PTPRD: variants seen among roughly 807,000 people sequenced by gnomAD.
PTPRD encodes protein tyrosine phosphatase receptor type D, also known as receptor-type tyrosine-protein phosphatase delta.
A neutral mutation model predicts 214.5 loss-of-function variants in PTPRD; 34 were observed. The observed-to-expected ratio is 0.16, with a 90% CI of 0.12 to 0.21. PTPRD has a LOEUF of 0.21. Among genes scored for constraint, PTPRD ranks in the 10% least tolerant of loss-of-function variants. PTPRD has a pLI of 1.00. For synonymous variants in PTPRD, 1,128 were observed against 845.7 expected (o/e 1.33, Z -5.79); for missense variants, 2,545 against 2,398.7 (o/e 1.06, Z -1.27).
chr9:10,165,433 G>A (rs945326353), intron 3 of PTPRD, among the ~76,000 whole-genome samples: 1 of 151,614 alleles, frequency 6.6e-6, no homozygotes, highest in African/African-American at 2.4e-5. Flanking sequence ...TGCAATAAAA[G>A]GTAGAATAAC....
rs535693303 is a variant in PTPRD, at chr9:10,332,979, G to A, written c.-545+7984C>T. On this transcript the variant is annotated intron_variant, in intron 3 of 45. Transcript: ENST00000381196. ...TAATGTTTGTTGCTACCGCCTTCAA[G>A]TAAACTCCTCAAAGAAAGATATTTT... Among the ~76,000 whole-genome samples, 4 of 151,946 alleles carry A rather than the reference G, an allele frequency of 2.6e-5. 1 individual carries two copies. In the South Asian group the frequency reaches 6.2e-4, roughly 24 times the overall value.
chr9:10,270,365 G>C (rs1234612919), intron 3 of PTPRD, among the ~76,000 whole-genome samples: 1 of 151,972 alleles, frequency 6.6e-6, no homozygotes, highest in East Asian at 1.9e-4. Flanking sequence ...TCTAGTTAAG[G>C]GCAATAGTCT....
At chr9:9,516,029 A>G (rs752473687) in intron 8 of PTPRD, among the ~76,000 whole-genome samples, 2 of 152,150 alleles carry the variant, frequency 1.3e-5, no homozygotes, top group Non-Finnish European at 2.9e-5. Flanking sequence ...ATATGCAAGC[A>G]TTCAACTGTT....
chr9:8,819,276 A>C (rs10977310), intron 11 of PTPRD, among the ~76,000 whole-genome samples: 20,823 of 152,196 alleles, frequency 0.14, 1,642 homozygotes, highest in East Asian at 0.25. Flanking sequence ...ACTATATAAA[A>C]GCTCATTCTA....
intron 4 of PTPRD, among the ~76,000 whole-genome samples, chr9:10,006,807 T>C (rs1162309878): frequency 5.3e-5 from 8 of 151,942 alleles, no homozygotes; most frequent in Admixed American, 5.3e-4. Context: ...ATATATTCTA[T>C]TGACAACTTT....
chr9:10,358,754 C>G (rs185036297), intron 2 of PTPRD, among the ~76,000 whole-genome samples: 8 of 151,862 alleles, frequency 5.3e-5, no homozygotes, highest in African/African-American at 1.9e-4. Flanking sequence ...TTGTGCCCAA[C>G]AGAATTGCTT....
At chr9:8,677,844 G>A (rs1247559675) in intron 12 of PTPRD, among the ~76,000 whole-genome samples, 1 of 152,102 alleles carries the variant, frequency 6.6e-6, no homozygotes, top group African/African-American at 2.4e-5. Flanking sequence ...TGGGAAGCGA[G>A]CAACACATTT....
intron 11 of PTPRD, among the ~76,000 whole-genome samples, chr9:8,800,080 G>A (rs983742490): frequency 4.0e-5 from 6 of 151,750 alleles, no homozygotes; most frequent in African/African-American, 1.5e-4. Context: ...ATTTGTCAAG[G>A]CTCCAAAGGT....
At chr9:10,239,540 A>G (rs2099640161) in intron 3 of PTPRD, among the ~76,000 whole-genome samples, 1 of 151,606 alleles carries the variant, frequency 6.6e-6, no homozygotes, top group Non-Finnish European at 1.5e-5. Context: ...CCAGGTAGTG[A>G]AAGGGAATTT....
intron 4 of PTPRD, among the ~76,000 whole-genome samples, chr9:9,948,993 G>T (rs1586872677): frequency 6.6e-6 from 1 of 152,104 alleles, no homozygotes; most frequent in South Asian, 2.1e-4. Context: ...GTCAGCATGG[G>T]GGGGCCTAAG....
intron 3 of PTPRD, among the ~76,000 whole-genome samples, chr9:10,161,934 T>C (rs2099129527): frequency 6.6e-6 from 1 of 151,662 alleles, no homozygotes; most frequent in Non-Finnish European, 1.5e-5. Flanking sequence ...AAAAGTATAT[T>C]TTTTAAAAAA....
intron 2 of PTPRD, among the ~76,000 whole-genome samples, chr9:10,604,584 A>C (rs911574806): frequency 6.6e-6 from 1 of 151,862 alleles, no homozygotes; most frequent in African/African-American, 2.4e-5. Context: ...GCAACCACAC[A>C]GGTATAAATG....
At chr9:9,594,328 T>C (rs2093063950) in intron 7 of PTPRD, among the ~76,000 whole-genome samples, 1 of 152,068 alleles carries the variant, frequency 6.6e-6, no homozygotes, top group South Asian at 2.1e-4. Flanking sequence ...TTTGGGTTCT[T>C]GGTCATGAAA....
At chr9:9,725,126 A>C (rs2098057907) in intron 7 of PTPRD, among the ~76,000 whole-genome samples, 1 of 152,072 alleles carries the variant, frequency 6.6e-6, no homozygotes, top group South Asian at 2.1e-4. Flanking sequence ...TTCAAAGGTG[A>C]TATGGTTTGG....
At chr9:9,375,022 C>A (rs1289187740) in intron 9 of PTPRD, among the ~76,000 whole-genome samples, 2 of 151,966 alleles carry the variant, frequency 1.3e-5, no homozygotes, top group African/African-American at 2.4e-5. Flanking sequence ...ATTACTAGAA[C>A]TTTTTTTTAC....
chr9:8,814,620 G>C (rs528356821), intron 11 of PTPRD, among the ~76,000 whole-genome samples: 2 of 152,300 alleles, frequency 1.3e-5, no homozygotes, highest in East Asian at 3.9e-4. Flanking sequence ...AGCCATCCAA[G>C]GGCAGAGATA....
Position 8,696,097 on chromosome 9 carries a change from A to C in PTPRD, c.64+37683T>G, listed in dbSNP as rs140986131. The stretch of plus-strand genomic sequence containing the variant: ...CGCTCCAGAAACTGGATCAGCAGAG[A>C]CATCTTCAGAGGCAGCAGACCTCAG... On this transcript the variant is annotated intron_variant, in intron 12 of 45. Coordinates refer to ENST00000381196, the MANE Select transcript of PTPRD (RefSeq NM_002839.4). Among the ~76,000 whole-genome samples, 515 of 152,334 alleles carry C rather than the reference A, an allele frequency of 3.4e-3. 2 individuals carry two copies. The highest frequency in any genetic ancestry group is 0.012 in the African/African-American group (489 of 41,578).
chr9:9,003,411 A>G (rs1395643739), intron 11 of PTPRD, among the ~76,000 whole-genome samples: 1 of 152,014 alleles, frequency 6.6e-6, no homozygotes, highest in Non-Finnish European at 1.5e-5. Flanking sequence ...CTATTAAAAT[A>G]TGCCTACTTG....
chr9:8,766,245 A>C lies in PTPRD; in HGVS notation c.-103-32299T>G, dbSNP rs567650344. Among the ~76,000 whole-genome samples the C allele has an allele frequency of 2.6e-5, 4 of 151,586 alleles. No homozygotes were observed. The South Asian group carries it at 8.4e-4, about 32-fold the overall frequency. On this transcript the variant is annotated intron_variant, in intron 11 of 45. Transcript: ENST00000381196. Reference sequence around the variant, plus strand: ...GCCACTGTCTTTGTGGAGTGTGTGCATACTCCCCAAGTATGCATGGGTTTC... The same window carrying C: ...GCCACTGTCTTTGTGGAGTGTGTGCCTACTCCCCAAGTATGCATGGGTTTC...
Sources: allele counts gnomAD v4.1 joint callset (sites outside exome capture counted in the v4.1 genomes callset), GRCh38; gene constraint gnomAD v4.1.1; transcripts MANE v1.5; gene names NCBI Gene and HGNC (gene_info 2026-07-23, HGNC 2026-07-21).